The following ANKHD1 variants were observed in gnomAD, a reference collection of about 807,000 sequenced individuals.
ANKHD1 encodes ankyrin repeat and KH domain containing 1.
In ANKHD1, 31 loss-of-function variants were observed where a neutral mutation model predicts 230.5. That is an observed-to-expected ratio of 0.13 (90% CI 0.10 to 0.18). The LOEUF is 0.18. Among genes scored for constraint, ANKHD1 ranks in the 10% least tolerant of loss-of-function variants. The pLI is 1.00. For missense variants in ANKHD1, 2,256 were observed against 3,071.3 expected (o/e 0.73, Z 6.27); for synonymous variants, 1,074 against 1,117.6 (o/e 0.96, Z 0.78).
intron 29 of ANKHD1, among the ~76,000 whole-genome samples, chr5:140,533,312 T>C (rs1316900174): frequency 6.6e-6 from 1 of 151,968 alleles, no homozygotes. Flanking sequence ...GTTAGCTCAG[T>C]GTGGGACCGG....
intron 1 of ANKHD1, among the ~76,000 whole-genome samples, chr5:140,433,774 A>G (rs1773239952): frequency 1.3e-5 from 2 of 152,064 alleles, no homozygotes; most frequent in Non-Finnish European, 2.9e-5. Context: ...TAAAATAGGA[A>G]TATTAATATG....
chr5:140,403,507 G>A (rs757647059), intron 1 of ANKHD1, among the ~76,000 whole-genome samples: 34 of 151,954 alleles, frequency 2.2e-4, no homozygotes, highest in Non-Finnish European at 2.5e-4. Context: ...CGCCTCCTGG[G>A]TTCAAGCGAT....
At chr5:140,503,553 CTTTTTTTTTT>C (rs70988767) in intron 15 of ANKHD1, among the ~76,000 whole-genome samples, 15 of 51,418 alleles carry the variant, frequency 2.9e-4, no homozygotes, top group Middle Eastern at 0.024. Flanking sequence ...AGTTTTCTTT[CTTTTTTTTTT>C]TTTTTTTTTT....
At chr5:140,537,344 C>CT (rs1754131834) in intron 30 of ANKHD1, 45 bp from the exon 31 acceptor site, 1 of 1,606,610 alleles carries the variant, frequency 6.2e-7, no homozygotes, top group African/African-American at 1.3e-5. Context: ...CCAGGTGACT[C>CT]TCCTATTCCA....
rs34081847 is a variant in ANKHD1, at chr5:140,444,090, C to CT, written c.914-1638dup. On this transcript the variant is annotated intron_variant, in intron 5 of 33. Transcript: ENST00000360839. ...TGGTTGAGATGAAGTCCCCCCCCCC[C>CT]TTTTTTTTTTTTTTAGCTGAAATAG... 4.2e-3 allele frequency among the ~76,000 whole-genome samples: 266 copies of CT among 62,618 alleles called. 4 individuals are homozygous for CT. The highest frequency in any genetic ancestry group is 0.039 in the Middle Eastern group (3 of 76). 41.1% of individuals were successfully genotyped at this position (62,618 alleles called of 152,430 possible).
rs536320514 is a variant in ANKHD1 at position 140,437,170 on chromosome 5, T to G, written c.460+913T>G. On this transcript the variant is annotated intron_variant, in intron 2 of 33. Coordinates refer to ENST00000360839, the MANE Select transcript of ANKHD1 (RefSeq NM_017747.3). Reference sequence around the variant, plus strand: ...CCATATAATTTATTGTGGGTATCCTTCCATGACAGTTTATGTTGATCTTTC... The same window carrying G: ...CCATATAATTTATTGTGGGTATCCTGCCATGACAGTTTATGTTGATCTTTC... Among the ~76,000 whole-genome samples, 5 of 152,354 alleles carry G rather than the reference T, an allele frequency of 3.3e-5. No homozygotes were observed. In the South Asian group the frequency reaches 1.0e-3, roughly 32 times the overall value.
chr5:140,414,419 G>C (rs1771187028), intron 1 of ANKHD1, among the ~76,000 whole-genome samples: 1 of 151,910 alleles, frequency 6.6e-6, no homozygotes, highest in Non-Finnish European at 1.5e-5. Flanking sequence ...ATTTCATTGG[G>C]GTTTTGATTT....
In ANKHD1 at chr5:140,496,740, G is replaced by C. The variant is rs757384745; in HGVS notation, c.2466G>C (p.Lys822Asn). The C allele has an allele frequency of 1.8e-5, 29 of 1,613,596 alleles. No homozygotes were observed. The highest frequency in any genetic ancestry group is 2.5e-5 in the Non-Finnish European group (29 of 1,179,950). ...AAGATAAGATAGAAGAACTTAAAAA[G>C]AACAGAGAAGAGCAAGTCCAGAAGA... ...LNKDKIEELK[K>N]NREEQVQKKK... Residue 822 changes from lysine (K) to asparagine (N), a missense_variant, in exon 15 of 34, where the codon AAG (lysine) becomes AAC (asparagine). Physicochemically the swap from Lys to Asn is moderately conservative, Grantham distance 94. This residue lies in a region of ANKHD1 where 358 missense variants were observed against 397.7 expected (regional missense o/e 0.90). Transcript: ENST00000360839.
chr5:140,421,296 C>CTTTTTTTTTT (rs35408466), intron 1 of ANKHD1, among the ~76,000 whole-genome samples: 3 of 94,524 alleles, frequency 3.2e-5, no homozygotes, highest in African/African-American at 3.7e-5. Context: ...AGAGTTTTTA[C>CTTTTTTTTTT]TTTTTTTTTT....
intron 29 of ANKHD1, among the ~76,000 whole-genome samples, chr5:140,531,013 CA>C (rs1753789364): frequency 6.6e-6 from 1 of 152,142 alleles, no homozygotes; most frequent in Admixed American, 6.5e-5. Flanking sequence ...ATCTATGGTC[CA>C]AAATATTCTC....
At position 140,438,546 on chromosome 5, in the gene ANKHD1, A is replaced by G. The variant is rs1297536065; in HGVS notation, c.546A>G (p.Ala182=). 6.2e-7 allele frequency: 1 copy of G among 1,613,528 alleles called. No individual in the cohort carries two copies. The highest frequency in any genetic ancestry group is 1.1e-5 in the South Asian group (1 of 90,958). The change falls in exon 3 of 34, where the codon GCA becomes GCG. Residue 182 remains alanine, a synonymous_variant. Transcript: ENST00000360839. ...GACTGACATCCTCAGTTAGTTGTGC[A>G]CTGGATGAAGCTGCTGCTGCACTGA... ...LRRLTSSVSC[A]LDEAAAALTR...
chr5:140,421,900 C>T (rs187216287), intron 1 of ANKHD1, among the ~76,000 whole-genome samples: 1 of 152,114 alleles, frequency 6.6e-6, no homozygotes, highest in African/African-American at 2.4e-5. Flanking sequence ...TATTACCAAC[C>T]CCTCAACAGA....
intron 1 of ANKHD1, among the ~76,000 whole-genome samples, chr5:140,435,703 A>G (rs1561716330): frequency 6.8e-6 from 1 of 146,834 alleles, no homozygotes; most frequent in African/African-American, 2.5e-5. Flanking sequence ...TTCAGTATTA[A>G]TTTTTTTTTT....
chr5:140,492,393 AGTTT>A (rs916757804), intron 14 of ANKHD1, among the ~76,000 whole-genome samples: 1 of 152,178 alleles, frequency 6.6e-6, no homozygotes, highest in East Asian at 1.9e-4. Flanking sequence ...GTGTCCTGTT[AGTTT>A]GGGAAATTTT....
chr5:140,425,872 T>C (rs868392970), intron 1 of ANKHD1, among the ~76,000 whole-genome samples: 1 of 152,176 alleles, frequency 6.6e-6, no homozygotes, highest in Non-Finnish European at 1.5e-5. Context: ...GGAATTGTTA[T>C]GTCCTTCAGT....
chr5:140,418,896 A>G (rs1241891409), intron 1 of ANKHD1, among the ~76,000 whole-genome samples: 1 of 151,690 alleles, frequency 6.6e-6, no homozygotes, highest in African/African-American at 2.4e-5. Flanking sequence ...ACTCCTGGCT[A>G]ATTTTTGTAT....
chr5:140,421,408 A>G (rs1771973514), intron 1 of ANKHD1, among the ~76,000 whole-genome samples: 1 of 141,604 alleles, frequency 7.1e-6, no homozygotes, highest in Non-Finnish European at 1.5e-5. Flanking sequence ...TCAAGCGATT[A>G]TCCTGCCTTT....
intron 14 of ANKHD1, among the ~76,000 whole-genome samples, chr5:140,487,614 A>G (rs921189431): frequency 3.3e-5 from 5 of 152,184 alleles, no homozygotes; most frequent in Non-Finnish European, 2.9e-5. Context: ...AGAGTATACT[A>G]CTTAAAAAAC....
At chr5:140,538,781 C>A in intron 32 of ANKHD1, 138 bp from the exon 33 acceptor site, 1 of 1,044,936 alleles carries the variant, frequency 9.6e-7, no homozygotes, top group Non-Finnish European at 1.2e-6. Flanking sequence ...CTCAACACTG[C>A]CATACTGTAC....
Sources: gnomAD v4.1 joint callset for allele counts (sites outside exome capture counted in the v4.1 genomes callset) on GRCh38, gnomAD v4.1.1 for gene constraint, gnomAD v4.1.1 regional missense constraint, MANE v1.5 for transcripts, NCBI Gene and HGNC (gene_info 2026-07-23, HGNC 2026-07-21) for gene names.